Variants in CCDC7 observed in about 807,000 individuals in gnomAD.
CCDC7 encodes the protein coiled-coil domain containing 7, also known as coiled-coil domain-containing protein 7.
CCDC7 carries 183 observed loss-of-function variants against 196.9 expected under a neutral mutation model. The observed-to-expected ratio is 0.93, with a 90% CI of 0.82 to 1.05. The LOEUF (loss-of-function observed/expected upper bound fraction) is 1.05, where lower values mean the gene tolerates loss of function less well. Ranked by LOEUF, CCDC7 falls within the 50% of genes least tolerant of loss-of-function variation. CCDC7 has a pLI of 0.00. For synonymous variants in CCDC7, 525 were observed against 484.6 expected (o/e 1.08, Z -1.10); for missense variants, 1,540 against 1,482.2 (o/e 1.04, Z -0.64).
downstream of CCDC7, among the ~76,000 whole-genome samples, chr10:32,879,191 T>C (rs2094699237): frequency 6.7e-6 from 1 of 149,982 alleles, no homozygotes; most frequent in Non-Finnish European, 1.5e-5. Context: ...AAAATTTTGA[T>C]TATCATCTAA....
chr10:32,664,239 C>A (rs1320717623), intron 21 of CCDC7, 78 bp downstream of exon 22: 3 of 378,744 alleles, frequency 7.9e-6, no homozygotes, highest in Non-Finnish European at 1.4e-5. Context: ...TATATACATT[C>A]ATCATGTACT....
intron 18 of CCDC7, among the ~76,000 whole-genome samples, chr10:32,628,768 T>C (rs2064411883): frequency 6.6e-6 from 1 of 152,156 alleles, no homozygotes; most frequent in South Asian, 2.1e-4. Flanking sequence ...AACACATTGG[T>C]TTCCAGGACC....
At chr10:32,488,635 C>T (rs992401134) in intron 8 of CCDC7, among the ~76,000 whole-genome samples, 1 of 152,180 alleles carries the variant, frequency 6.6e-6, no homozygotes, top group Non-Finnish European at 1.5e-5. Flanking sequence ...TCCAACCCCC[C>T]AGCATCAGAA....
At chr10:32,843,888 T>G (rs1263387262) in intron 33 of CCDC7, among the ~76,000 whole-genome samples, 1 of 152,002 alleles carries the variant, frequency 6.6e-6, no homozygotes, top group Non-Finnish European at 1.5e-5. Context: ...GTGTCTCGGT[T>G]CATTTTGGTA....
chr10:32,869,031 G>T (rs1022061507), intron 41 of CCDC7, among the ~76,000 whole-genome samples: 8 of 151,926 alleles, frequency 5.3e-5, no homozygotes, highest in African/African-American at 9.7e-5. Context: ...ATAAACATAC[G>T]CGTGCATGTG....
chr10:32,781,210 G>C (rs2134324784), intron 29 of CCDC7, among the ~76,000 whole-genome samples: 1 of 152,072 alleles, frequency 6.6e-6, no homozygotes, highest in East Asian at 1.9e-4. Flanking sequence ...CGACTTTATG[G>C]GTGAATATTA....
chr10:32,492,585 CAA>C (rs1287116704), intron 9 of CCDC7, among the ~76,000 whole-genome samples: 1 of 151,764 alleles, frequency 6.6e-6, no homozygotes, highest in African/African-American at 2.4e-5. Context: ...AAGCCAGCCA[CAA>C]AAAAGACAAA....
chr10:32,774,281 A>C (rs1307359976), intron 28 of CCDC7, among the ~76,000 whole-genome samples: 1 of 150,168 alleles, frequency 6.7e-6, no homozygotes, highest in Non-Finnish European at 1.5e-5. Flanking sequence ...ATGCAATTAG[A>C]ACCTTCCCCT....
chr10:32,822,381 T>C (rs1011711019), intron 31 of CCDC7, among the ~76,000 whole-genome samples: 14 of 152,144 alleles, frequency 9.2e-5, no homozygotes, highest in South Asian at 2.1e-4. Flanking sequence ...AGAAGTGATG[T>C]AACACTGTAA....
intron 9 of CCDC7, chr10:32,511,910 T>A: frequency 1.7e-6 from 1 of 599,298 alleles, no homozygotes; most frequent in Non-Finnish European, 3.0e-6. Flanking sequence ...TTTAAAAGTA[T>A]AGGATAAAAT....
At chr10:32,462,257 T>C (rs142623933) in intron 3 of CCDC7, among the ~76,000 whole-genome samples, 16 of 152,084 alleles carry the variant, frequency 1.1e-4, no homozygotes, top group Middle Eastern at 6.8e-3. Flanking sequence ...TCCATCCCTA[T>C]TAAAAACAAA....
chr10:32,551,133 T>G (rs1465183844), intron 13 of CCDC7, among the ~76,000 whole-genome samples: 1 of 152,166 alleles, frequency 6.6e-6, no homozygotes, highest in Non-Finnish European at 1.5e-5. Context: ...CTAGGAGGGT[T>G]GTATTTTTCC....
intron 39 of CCDC7, among the ~76,000 whole-genome samples, chr10:32,849,119 T>G (rs1019639168): frequency 2.0e-4 from 31 of 151,900 alleles, no homozygotes; most frequent in East Asian, 1.2e-3. Flanking sequence ...GTTTTGTTTT[T>G]TTTTTTTCAT....
intron 21 of CCDC7, among the ~76,000 whole-genome samples, chr10:32,666,825 A>T (rs1022370124): frequency 6.6e-6 from 1 of 152,042 alleles, no homozygotes; most frequent in Non-Finnish European, 1.5e-5. Context: ...GAATAGTGCC[A>T]CAATAAACAT....
At chr10:32,757,120 C>G (rs990539224) in intron 28 of CCDC7, among the ~76,000 whole-genome samples, 39 of 152,224 alleles carry the variant, frequency 2.6e-4, no homozygotes, top group East Asian at 1.3e-3. Context: ...TAGAGACCTA[C>G]AAAGAGACTT....
intron 21 of CCDC7, among the ~76,000 whole-genome samples, chr10:32,683,623 C>G (rs1238463682): frequency 1.3e-5 from 2 of 152,174 alleles, no homozygotes; most frequent in Admixed American, 1.3e-4. Flanking sequence ...GAATGTTTTT[C>G]CACTTCTTTG....
chr10:32,500,134 G>C (rs541640120), intron 9 of CCDC7, among the ~76,000 whole-genome samples: 18 of 152,342 alleles, frequency 1.2e-4, no homozygotes, highest in African/African-American at 4.3e-4. Context: ...CCCAGATGGG[G>C]TGGTGGCCGG....
chr10:32,503,775 A>AT (rs1281837568), intron 9 of CCDC7, among the ~76,000 whole-genome samples: 2 of 152,098 alleles, frequency 1.3e-5, no homozygotes, highest in East Asian at 1.9e-4. Flanking sequence ...TTGATAGGAG[A>AT]TTTTTTTATT....
intron 14 of CCDC7, among the ~76,000 whole-genome samples, chr10:32,567,190 A>G (rs1045955154): frequency 6.8e-6 from 1 of 147,484 alleles, no homozygotes; most frequent in Non-Finnish European, 1.5e-5. Context: ...CTTTTTATTT[A>G]TATAGTCTTT....
Sources: allele counts gnomAD v4.1 joint callset (sites outside exome capture counted in the v4.1 genomes callset), GRCh38; gene constraint gnomAD v4.1.1; transcripts MANE v1.5; gene names NCBI Gene and HGNC (gene_info 2026-07-23, HGNC 2026-07-21).